ADGRE2: variants seen among roughly 807,000 people sequenced by gnomAD.
The protein encoded by ADGRE2 is CD97 antigen.
Under a neutral mutation model 100.8 loss-of-function variants are expected in ADGRE2, and 83 were observed. The ratio of observed to expected loss-of-function variants is 0.82; its 90% CI spans 0.69 to 0.99. The LOEUF is 0.99. Among genes scored for constraint, ADGRE2 ranks in the 50% least tolerant of loss-of-function variants. The pLI, the probability that ADGRE2 is intolerant of heterozygous loss-of-function variation, is 0.00. For synonymous variants in ADGRE2, 355 were observed against 413.0 expected (o/e 0.86, Z 1.70); for missense variants, 814 against 1,035.7 (o/e 0.79, Z 2.94).
chr19:14,746,513 C>T (rs2043097344), intron 17 of ADGRE2, among the ~76,000 whole-genome samples, 190 bp from the exon 18 acceptor site: 1 of 151,984 alleles, frequency 6.6e-6, no homozygotes, highest in African/African-American at 2.4e-5. Context: ...CAGGCACCCA[C>T]CACCACGCCT....
At chr19:14,766,660 T>G (rs1251141841) in intron 6 of ADGRE2, among the ~76,000 whole-genome samples, 4 of 152,212 alleles carry the variant, frequency 2.6e-5, no homozygotes, top group Non-Finnish European at 4.4e-5. Flanking sequence ...ATCTCTCTCC[T>G]GCTCCCTCCC....
chr19:14,777,588 G>A (rs2044485430), intron 1 of ADGRE2, among the ~76,000 whole-genome samples: 2 of 152,074 alleles, frequency 1.3e-5, no homozygotes, highest in Non-Finnish European at 2.9e-5. Context: ...TTGGCTTGCT[G>A]CACCTATCAA....
At chr19:14,726,641 T>G in the ADGRE2 span, among the ~76,000 whole-genome samples, 483 of 152,278 alleles carry the variant, frequency 3.2e-3, 2 homozygotes, top group Admixed American at 0.013. Flanking sequence ...CACCAGACAC[T>G]CTCTAAGTCA....
At chr19:14,745,282 G>A (rs534267763) in intron 18 of ADGRE2, among the ~76,000 whole-genome samples, 3 of 152,124 alleles carry the variant, frequency 2.0e-5, no homozygotes, top group Non-Finnish European at 2.9e-5. Flanking sequence ...TTATTGATTC[G>A]TAATGTTTGT....
chr19:14,725,817 T>A, the ADGRE2 span, among the ~76,000 whole-genome samples: 1 of 152,196 alleles, frequency 6.6e-6, no homozygotes, highest in East Asian at 1.9e-4. Flanking sequence ...GCTGCTCTTA[T>A]GGGTTGGAGT....
chr19:14,733,219 T>C lies in ADGRE2; in HGVS notation c.*3017A>G, dbSNP rs1192045231. On this transcript the variant is annotated 3_prime_UTR_variant, in exon 21 of 21. Coordinates refer to ENST00000315576, the MANE Select transcript of ADGRE2 (RefSeq NM_013447.4). ...AGGATCAGGAGTGACTTGAGGGTACTGACTGGCAGAGCAGGAGCCCCGTTA... is the reference window on the plus strand; with the variant it reads ...AGGATCAGGAGTGACTTGAGGGTACCGACTGGCAGAGCAGGAGCCCCGTTA... The C allele has an allele frequency of 3.3e-5, 5 of 152,214 alleles. No individual in the cohort carries two copies. The highest frequency in any genetic ancestry group is 1.2e-4 in the African/African-American group (5 of 41,448). 9.4% of individuals were successfully genotyped at this position (152,214 alleles called of 1,614,324 possible). A position where few individuals can be genotyped will look rare whatever the true frequency, so the allele number is the denominator to read the frequency against.
Position 14,746,820 on chromosome 19 carries a change from T to C in ADGRE2, c.2091+76A>G, listed in dbSNP as rs1270669032. ...ACAACCCAGGGGACATTCCTGCTCT[T>C]GTCACCATCTTTATTATCTTGTTTT... is the stretch of plus-strand genomic sequence containing the variant. On this transcript the variant is annotated intron_variant, in intron 17 of 20. Coordinates refer to ENST00000315576, the MANE Select transcript of ADGRE2 (RefSeq NM_013447.4). 1.7e-5 allele frequency: 25 copies of C among 1,441,738 alleles called. No homozygotes were observed. The East Asian group carries it at 5.0e-4, about 29-fold the overall frequency. 89.3% of individuals were successfully genotyped at this position (1,441,738 alleles called of 1,614,324 possible).
At chr19:14,729,171 GA>G (rs2042652349), downstream of ADGRE2, among the ~76,000 whole-genome samples, 1 of 152,134 alleles carries the variant, frequency 6.6e-6, no homozygotes, top group Admixed American at 6.5e-5. Flanking sequence ...TTAACAGACT[GA>G]ACCTTTGAAG....
At chr19:14,764,309 T>C in intron 11 of ADGRE2, 124 bp downstream of exon 11, 1 of 817,452 alleles carries the variant, frequency 1.2e-6, no homozygotes, top group Non-Finnish European at 2.0e-6. Flanking sequence ...TAATCTCTTA[T>C]TTTAGTTTGT....
At chr19:14,772,222 T>C (rs1167620975) in intron 5 of ADGRE2, 120 bp downstream of exon 5, 5 of 1,411,896 alleles carry the variant, frequency 3.5e-6, no homozygotes, top group Non-Finnish European at 4.9e-6. Flanking sequence ...ACCTGTCTCA[T>C]CTCAGACTCC....
intron 20 of ADGRE2, among the ~76,000 whole-genome samples, chr19:14,738,802 T>C (rs1252879652): frequency 6.6e-6 from 1 of 152,160 alleles, no homozygotes; most frequent in African/African-American, 2.4e-5. Context: ...ATAGTTAGTA[T>C]TTAATGCATA....
At chr19:14,742,026 T>G (rs1335847332) in intron 20 of ADGRE2, 1 of 398,504 alleles carries the variant, frequency 2.5e-6, no homozygotes, top group Non-Finnish European at 4.4e-6. Flanking sequence ...CGGGCTCAAG[T>G]GATCTTCCTG....
rs776981841 is a variant in ADGRE2 at position 14,774,293 on chromosome 19, C to T, written c.45G>A (p.Trp15Ter). 7.0e-6 allele frequency: 11 copies of T among 1,582,100 alleles called. No homozygotes were observed. In the East Asian group the frequency reaches 1.8e-4, roughly 26 times the overall value. Residue 15 changes from tryptophan to a stop codon, truncating the protein, a stop_gained, in exon 3 of 21, where the codon TGG (tryptophan) becomes TGA (stop). Coordinates refer to ENST00000315576, the MANE Select transcript of ADGRE2 (RefSeq NM_013447.4). LOFTEE classifies it high-confidence loss of function. The stretch of plus-strand genomic sequence containing the variant: ...GGGTTTCAGCTCCCGGCAGAGTCAG[C>T]CAGACACAGAATGCTGCAACAGAGA... ...VFLVFLAFCV[W>*]LTLPGAETQD... is the part of the protein sequence containing the mutation.
rs11883154 is a variant in ADGRE2 at position 14,771,357 on chromosome 19, C to T, written c.355+985G>A. 3.8e-3 allele frequency among the ~76,000 whole-genome samples: 574 copies of T among 152,328 alleles called. 2 individuals are homozygous for T. The highest frequency in any genetic ancestry group is 0.013 in the African/African-American group (550 of 41,570). On this transcript the variant is annotated intron_variant, in intron 5 of 20. Transcript: ENST00000315576. ...TGTACTCTGTGTTAATCTCCCTTCT[C>T]TGTCCACCTGCTACTGGTTCCCATC...
downstream of ADGRE2, among the ~76,000 whole-genome samples, chr19:14,730,085 C>T (rs1390279572): frequency 6.6e-6 from 1 of 152,118 alleles, no homozygotes; most frequent in Non-Finnish European, 1.5e-5. Flanking sequence ...TGGAGTCTCG[C>T]TCTGTCACCC....
At chr19:14,728,105 C>T (rs2524360), downstream of ADGRE2, among the ~76,000 whole-genome samples, 49,202 of 151,772 alleles carry the variant, frequency 0.32, 8,356 homozygotes, top group Middle Eastern at 0.48. Context: ...CCCAACTACT[C>T]GGGAGGCTGA....
At chr19:14,772,083 G>C in intron 5 of ADGRE2, 1 of 537,934 alleles carries the variant, frequency 1.9e-6, no homozygotes, top group East Asian at 3.2e-5. Flanking sequence ...GAGCAGTAGT[G>C]ATGTTGGTAA....
At chr19:14,747,053 C>T (rs1254984258) in intron 16 of ADGRE2, 91 bp from the exon 17 acceptor site, 3 of 1,046,714 alleles carry the variant, frequency 2.9e-6, no homozygotes, top group African/African-American at 1.6e-5. Flanking sequence ...ACCACTTCCT[C>T]ACTTCCTTCC....
At chr19:14,775,302 G>T (rs553897589) in intron 2 of ADGRE2, among the ~76,000 whole-genome samples, 1 of 151,792 alleles carries the variant, frequency 6.6e-6, no homozygotes, top group Non-Finnish European at 1.5e-5. Context: ...ATCACGCCTG[G>T]CCAAAAAAAT....
Sources: allele counts gnomAD v4.1 joint callset (sites outside exome capture counted in the v4.1 genomes callset), GRCh38; gene constraint gnomAD v4.1.1; transcripts MANE v1.5; gene names NCBI Gene and HGNC (gene_info 2026-07-23, HGNC 2026-07-21).